Variants in LRP1B observed in about 807,000 individuals in gnomAD.
LRP1B encodes the protein LDL receptor related protein 1B.
In LRP1B, 217 loss-of-function variants were observed where a neutral mutation model predicts 556.6. The observed-to-expected ratio is 0.39, with a 90% CI of 0.35 to 0.44. The LOEUF is 0.44. Among genes scored for constraint, LRP1B ranks in the 20% least tolerant of loss-of-function variants. The probability of loss-of-function intolerance (pLI) is 1.00; values close to 1 mark genes in which losing one functional copy is unlikely to be tolerated. For missense variants in LRP1B, 5,053 were observed against 5,620.8 expected (o/e 0.90, Z 3.23); for synonymous variants, 2,047 against 1,865.8 (o/e 1.10, Z -2.50).
At chr2:140,401,722 T>C (rs986753059) in intron 66 of LRP1B, among the ~76,000 whole-genome samples, 5 of 152,210 alleles carry the variant, frequency 3.3e-5, no homozygotes, top group African/African-American at 9.6e-5. Context: ...GGTGCTCTTT[T>C]GCAAGCACCA....
intron 31 of LRP1B, among the ~76,000 whole-genome samples, chr2:140,836,337 C>G (rs1265531231): frequency 1.3e-5 from 2 of 152,162 alleles, no homozygotes; most frequent in Non-Finnish European, 2.9e-5. Context: ...TAATAAGCAT[C>G]AAAGCAGTGA....
intron 2 of LRP1B, among the ~76,000 whole-genome samples, chr2:141,518,392 C>T (rs763357284): frequency 3.9e-5 from 6 of 152,042 alleles, no homozygotes; most frequent in South Asian, 2.1e-4. Context: ...TCATTCTTAA[C>T]GATTTCTTAG....
intron 66 of LRP1B, among the ~76,000 whole-genome samples, chr2:140,390,750 AACACT>A (rs1452715557): frequency 6.7e-6 from 1 of 148,748 alleles, no homozygotes; most frequent in Non-Finnish European, 1.5e-5. Context: ...TTGTTGGCAA[AACACT>A]TGAATAGAAA....
chr2:140,995,645 A>G (rs1016366496), intron 15 of LRP1B, among the ~76,000 whole-genome samples: 5 of 152,064 alleles, frequency 3.3e-5, no homozygotes, highest in African/African-American at 4.8e-5. Context: ...TAAAAAGACA[A>G]TGCAATAGCA....
chr2:141,316,034 C>G (rs1038954851), intron 3 of LRP1B, among the ~76,000 whole-genome samples: 1 of 151,378 alleles, frequency 6.6e-6, no homozygotes, highest in Admixed American at 6.6e-5. Context: ...AAATTCTAAA[C>G]GTATTCTACC....
chr2:140,994,415 G>GTGTGTT (rs1479810966), intron 15 of LRP1B, among the ~76,000 whole-genome samples: 2 of 151,686 alleles, frequency 1.3e-5, no homozygotes, highest in African/African-American at 4.8e-5. Flanking sequence ...GTGTGTGTGT[G>GTGTGTT]TGTGTATCAC....
chr2:141,263,873 GAAA>G (rs899176624), intron 3 of LRP1B, among the ~76,000 whole-genome samples: 3 of 151,780 alleles, frequency 2.0e-5, no homozygotes, highest in Non-Finnish European at 4.4e-5. Flanking sequence ...TACAGTAAGG[GAAA>G]AAAACCCTAT....
At chr2:140,525,717 T>G in intron 49 of LRP1B, 127 bp downstream of exon 49, 1 of 775,018 alleles carries the variant, frequency 1.3e-6, no homozygotes, top group Non-Finnish European at 2.0e-6. Flanking sequence ...CATTTCAGTC[T>G]GTGCCATTTA....
At chr2:141,192,269 A>G (rs1681548888) in intron 6 of LRP1B, among the ~76,000 whole-genome samples, 1 of 151,938 alleles carries the variant, frequency 6.6e-6, no homozygotes, top group Non-Finnish European at 1.5e-5. Context: ...TTTAATAAGC[A>G]TTTAAAGGTT....
At chr2:140,754,181 C>T (rs751186987) in intron 35 of LRP1B, among the ~76,000 whole-genome samples, 1 of 152,158 alleles carries the variant, frequency 6.6e-6, no homozygotes, top group African/African-American at 2.4e-5. Context: ...CTATCAAAAA[C>T]AATGGAGATT....
chr2:141,993,089 A>G (rs1264320524), intron 1 of LRP1B, among the ~76,000 whole-genome samples: 1 of 152,138 alleles, frequency 6.6e-6, no homozygotes, highest in Non-Finnish European at 1.5e-5. Context: ...CCAAGCTGAA[A>G]GAGTTCTGGT....
At chr2:140,726,790 T>C (rs1687609779) in intron 35 of LRP1B, among the ~76,000 whole-genome samples, 1 of 151,356 alleles carries the variant, frequency 6.6e-6, no homozygotes, top group South Asian at 2.1e-4. Context: ...GTGTAATATG[T>C]GCATTTTATC....
intron 83 of LRP1B, among the ~76,000 whole-genome samples, chr2:140,308,282 AT>A (rs1256230087): frequency 2.6e-5 from 4 of 151,750 alleles, no homozygotes; most frequent in African/African-American, 9.7e-5. Context: ...TGACTATTTA[AT>A]GTCAAAGTAT....
chr2:140,650,307 ATTTTTATT>A (rs756595452), intron 41 of LRP1B, among the ~76,000 whole-genome samples: 30 of 139,136 alleles, frequency 2.2e-4, no homozygotes, highest in African/African-American at 3.7e-4. Flanking sequence ...CTTTATTTTT[ATTTTTATT>A]TATTTATTTA....
intron 7 of LRP1B, among the ~76,000 whole-genome samples, chr2:141,178,189 T>C (rs1447159149): frequency 1.3e-5 from 2 of 152,104 alleles, no homozygotes; most frequent in African/African-American, 2.4e-5. Flanking sequence ...ATATTCCCCA[T>C]TGCCAACTTC....
chr2:141,188,720 G>T, intron 6 of LRP1B, 137 bp from the exon 7 acceptor site: 1 of 674,920 alleles, frequency 1.5e-6, no homozygotes, highest in Non-Finnish European at 2.4e-6. Context: ...AAACTGCAAA[G>T]TCTCTTGCTA....
At chr2:141,371,262 C>T (rs1304574135) in intron 3 of LRP1B, among the ~76,000 whole-genome samples, 2 of 152,244 alleles carry the variant, frequency 1.3e-5, no homozygotes, top group Non-Finnish European at 2.9e-5. Context: ...GTAACATGTT[C>T]TTTCAGTTAC....
chr2:140,392,935 T>G (rs555552178), intron 66 of LRP1B, among the ~76,000 whole-genome samples: 15 of 150,922 alleles, frequency 9.9e-5, no homozygotes, highest in Admixed American at 2.0e-4. Flanking sequence ...TATATAACTT[T>G]TTTTTTTTTT....
chr2:141,289,301 G>A (rs914276702), intron 3 of LRP1B, among the ~76,000 whole-genome samples: 1 of 141,102 alleles, frequency 7.1e-6, no homozygotes, highest in African/African-American at 2.6e-5. Flanking sequence ...AGAATGGCGT[G>A]AACCCAGGAG....
Sources: allele counts gnomAD v4.1 joint callset (sites outside exome capture counted in the v4.1 genomes callset), GRCh38; gene constraint gnomAD v4.1.1; transcripts MANE v1.5; gene names NCBI Gene and HGNC (gene_info 2026-07-23, HGNC 2026-07-21).